GRK7: variants seen among roughly 807,000 people sequenced by gnomAD.
The protein encoded by GRK7 is G protein-coupled receptor kinase 7.
A neutral mutation model predicts 34.1 loss-of-function variants in GRK7; 24 were observed. The ratio of observed to expected loss-of-function variants is 0.70; its 90% CI spans 0.51 to 0.99. GRK7 has a LOEUF of 0.99. GRK7 is among the 50% of genes least tolerant of loss of function. The pLI is 0.00. For synonymous variants in GRK7, 256 were observed against 279.4 expected (o/e 0.92, Z 0.84); for missense variants, 644 against 707.3 (o/e 0.91, Z 1.02).
In GRK7 at chr3:141,778,273, C is replaced by T. The variant is rs369135654; in HGVS notation, c.-12C>T. 5.9e-5 allele frequency: 91 copies of T among 1,544,994 alleles called. No homozygotes were observed. Among genetic ancestry groups the T allele is most frequent in the Non-Finnish European group, 7.1e-5 (81 of 1,144,808 alleles). On this transcript the variant is annotated 5_prime_UTR_variant, in exon 3 of 6. Transcript: ENST00000682958. This position sits in a 1 kb window ranked among gnomAD's most constrained non-coding sequence, Gnocchi z 4.1. ...CTTGTGCTTTCCCTGGGAGTGCGCC[C>T]CGTGCTCAGCCATGGTGGACATGGG... is the stretch of plus-strand genomic sequence containing the variant.
chr3:141,767,014 C>T (rs1193097614), intron 1 of GRK7, among the ~76,000 whole-genome samples: 1 of 152,168 alleles, frequency 6.6e-6, no homozygotes, highest in Non-Finnish European at 1.5e-5. Context: ...TATGAGAATG[C>T]AGTCATTATT....
chr3:141,794,911 GCAAA>G (rs1485301430), intron 4 of GRK7, among the ~76,000 whole-genome samples: 3 of 152,134 alleles, frequency 2.0e-5, no homozygotes, highest in African/African-American at 4.8e-5. Flanking sequence ...AGGGAACCAG[GCAAA>G]CAAAGACCCT....
the GRK7 span, among the ~76,000 whole-genome samples, chr3:141,754,892 A>G: frequency 6.6e-6 from 1 of 152,202 alleles, no homozygotes; most frequent in African/African-American, 2.4e-5. Context: ...ATTTTTTAAT[A>G]TGCCAACTTA....
rs151308693 is a variant in GRK7 at position 141,765,013 on chromosome 3, G to GC, written c.-936dup. On this transcript the variant is annotated 5_prime_UTR_variant, in exon 1 of 6. Coordinates refer to ENST00000682958, the MANE Select transcript of GRK7 (RefSeq NM_139209.3). The stretch of plus-strand genomic sequence containing the variant: ...GACTGGTTTTTCTGTTTTAACCCTT[G>GC]CCCCTTCTGTCTGTGATCCTGTTAA... Among the ~76,000 whole-genome samples, 9,865 of 152,194 alleles carry GC rather than the reference G, an allele frequency of 0.065. 325 individuals are homozygous for GC. Among genetic ancestry groups the GC allele is most frequent in the South Asian group, 0.11 (545 of 4,822 alleles).
chr3:141,776,943 T>C (rs551034742), intron 2 of GRK7, among the ~76,000 whole-genome samples: 1 of 152,288 alleles, frequency 6.6e-6, no homozygotes, highest in Admixed American at 6.5e-5. Flanking sequence ...GAGCAGAAGT[T>C]CTTAGCCTGA....
intron 4 of GRK7, among the ~76,000 whole-genome samples, chr3:141,790,668 A>C (rs949422746): frequency 1.3e-5 from 2 of 151,520 alleles, no homozygotes; most frequent in African/African-American, 4.9e-5. Context: ...GGTTCAAGCA[A>C]TTCTCATGCC....
intron 5 of GRK7, among the ~76,000 whole-genome samples, chr3:141,814,920 GTTTT>G (rs33965909): frequency 3.3e-5 from 4 of 120,398 alleles, no homozygotes; most frequent in Non-Finnish European, 6.8e-5. Flanking sequence ...TTGTTGGTTG[GTTTT>G]TTTTTTTTTT....
chr3:141,780,842 G>A, intron 4 of GRK7, 31 bp downstream of exon 4: 1 of 1,586,242 alleles, frequency 6.3e-7, no homozygotes, highest in Non-Finnish European at 8.6e-7. Flanking sequence ...CCCAAGTGCG[G>A]GGCACAGAGT....
chr3:141,788,602 G>A (rs2084707877), intron 4 of GRK7, among the ~76,000 whole-genome samples: 1 of 152,172 alleles, frequency 6.6e-6, no homozygotes, highest in South Asian at 2.1e-4. Flanking sequence ...AGTGACTCCG[G>A]GAGGTGCTTC....
At chr3:141,777,216 G>C (rs1482968997) in intron 2 of GRK7, among the ~76,000 whole-genome samples, 2 of 151,050 alleles carry the variant, frequency 1.3e-5, no homozygotes, top group African/African-American at 4.9e-5. Context: ...GAAAATTCTT[G>C]TCTCATTCAG....
At position 141,791,720 on chromosome 3, in the gene GRK7, A is replaced by C. The variant is rs572419415; in HGVS notation, c.1050+10909A>C. 9.9e-5 allele frequency among the ~76,000 whole-genome samples: 15 copies of C among 152,010 alleles called. 1 individual carries two copies. Among genetic ancestry groups the C allele is most frequent in the African/African-American group, 3.6e-4 (15 of 41,518 alleles). On this transcript the variant is annotated intron_variant, in intron 4 of 5. Transcript: ENST00000682958. ...GCCAGGACTGTTCTAAATATGAGGG[A>C]TAGCCAGGTGCCGTGGCTCATGCCT...
chr3:141,779,443 A>G (rs995126836), intron 3 of GRK7, among the ~76,000 whole-genome samples: 18 of 152,172 alleles, frequency 1.2e-4, no homozygotes, highest in African/African-American at 4.3e-4. Context: ...AAGAAAAGAA[A>G]GAAAACACTT....
rs186852414 is a variant in GRK7 at position 141,818,789 on chromosome 3, G to A, written c.*1739G>A. Among the ~76,000 whole-genome samples, 2 of 152,282 alleles carry A rather than the reference G, an allele frequency of 1.3e-5. No individual in the cohort carries two copies. The highest frequency in any genetic ancestry group is 3.9e-4 in the East Asian group (2 of 5,182). ...CCCTTGAGTTAAGGATTCAAGAGCT[G>A]CAAAAGTGCCGGTCAAAAAAATGTT... On this transcript the variant is annotated 3_prime_UTR_variant, in exon 6 of 6. Coordinates refer to ENST00000682958, the MANE Select transcript of GRK7 (RefSeq NM_139209.3).
chr3:141,799,192 CT>C (rs1710924408), intron 4 of GRK7, among the ~76,000 whole-genome samples: 3 of 152,034 alleles, frequency 2.0e-5, no homozygotes, highest in Non-Finnish European at 4.4e-5. Flanking sequence ...GGACTTAGTA[CT>C]GGGCAAATGG....
chr3:141,770,509 G>A (rs961237946), intron 1 of GRK7, among the ~76,000 whole-genome samples: 1 of 151,956 alleles, frequency 6.6e-6, no homozygotes. Flanking sequence ...GTTGCTGGGA[G>A]GGTAAAGACC....
chr3:141,798,236 TTACTG>T (rs977919417), intron 4 of GRK7, among the ~76,000 whole-genome samples: 17 of 152,122 alleles, frequency 1.1e-4, no homozygotes, highest in African/African-American at 4.1e-4. Flanking sequence ...AAGCTTGAGA[TTACTG>T]TACTAGAAGG....
intron 4 of GRK7, among the ~76,000 whole-genome samples, chr3:141,799,054 G>T (rs1322389599): frequency 6.6e-6 from 1 of 152,142 alleles, no homozygotes; most frequent in Non-Finnish European, 1.5e-5. Context: ...ATGGCCCAGG[G>T]TCTGGTCCCA....
At chr3:141,756,725 T>A in the GRK7 span, among the ~76,000 whole-genome samples, 4 of 152,218 alleles carry the variant, frequency 2.6e-5, no homozygotes, top group African/African-American at 9.6e-5. Flanking sequence ...AACACCCTTT[T>A]ACATTTGCTA....
intron 4 of GRK7, among the ~76,000 whole-genome samples, chr3:141,802,044 G>A (rs1351434748): frequency 6.6e-6 from 1 of 152,108 alleles, no homozygotes; most frequent in African/African-American, 2.4e-5. Flanking sequence ...AAAGAGAAGA[G>A]ACAAAATGCA....
Sources: gnomAD v4.1 joint callset for allele counts (sites outside exome capture counted in the v4.1 genomes callset) on GRCh38, gnomAD v4.1.1 for gene constraint, Gnocchi (gnomAD v3.1) non-coding constraint, MANE v1.5 for transcripts, NCBI Gene and HGNC (gene_info 2026-07-23, HGNC 2026-07-21) for gene names.